Variants in CDYL2 observed in about 807,000 individuals in gnomAD.
The protein encoded by CDYL2 is chromodomain Y like 2.
Under a neutral mutation model 49.4 loss-of-function variants are expected in CDYL2, and 23 were observed. The observed-to-expected ratio is 0.47, with a 90% CI of 0.34 to 0.66. The LOEUF is 0.66. Ranked by LOEUF, CDYL2 falls within the 30% of genes least tolerant of loss-of-function variation. CDYL2 has a pLI of 0.01. For synonymous variants in CDYL2, 360 were observed against 268.8 expected (o/e 1.34, Z -3.32); for missense variants, 678 against 656.4 (o/e 1.03, Z -0.36).
chr16:80,693,261 G>T (rs1380419791), intron 1 of CDYL2, among the ~76,000 whole-genome samples: 1 of 152,158 alleles, frequency 6.6e-6, no homozygotes, highest in Admixed American at 6.5e-5. Flanking sequence ...CACTGAAAAT[G>T]TGTGTAATCA....
chr16:80,803,708 C>A (rs1018680687), intron 1 of CDYL2, among the ~76,000 whole-genome samples: 4 of 142,412 alleles, frequency 2.8e-5, no homozygotes, highest in African/African-American at 1.0e-4. Context: ...CGCGCAACCC[C>A]CGCCCCACAC....
At chr16:80,665,146 T>G (rs914641183) in intron 2 of CDYL2, among the ~76,000 whole-genome samples, 1 of 152,204 alleles carries the variant, frequency 6.6e-6, no homozygotes, top group Non-Finnish European at 1.5e-5. Context: ...AAATAGATGT[T>G]ACATATTTTC....
rs191041001 is a variant in CDYL2, at chr16:80,636,266, C to A, written c.617-3030G>T. Among the ~76,000 whole-genome samples the A allele has an allele frequency of 9.2e-5, 14 of 152,218 alleles. No homozygotes were observed. The East Asian group carries it at 9.6e-4, about 10-fold the overall frequency. On this transcript the variant is annotated intron_variant, in intron 2 of 6. Transcript: ENST00000570137. The stretch of plus-strand genomic sequence containing the variant: ...CAAAAGAAACTATCACGAGAGTGAA[C>A]AGGCAACCTACAGAATGGGAGAAAA...
At chr16:80,628,927 G>C (rs980409240) in intron 3 of CDYL2, among the ~76,000 whole-genome samples, 1 of 152,186 alleles carries the variant, frequency 6.6e-6, no homozygotes, top group African/African-American at 2.4e-5. Context: ...CAAGTGATGG[G>C]TGAACTGAGA....
chr16:80,715,508 T>G (rs1230635123), intron 1 of CDYL2, among the ~76,000 whole-genome samples: 3 of 152,222 alleles, frequency 2.0e-5, no homozygotes, highest in African/African-American at 7.2e-5. Flanking sequence ...GGTTCTCCAG[T>G]GGCACTGCCC....
chr16:80,659,639 T>C lies in CDYL2; in HGVS notation c.616+24899A>G, dbSNP rs548740902. Among the ~76,000 whole-genome samples, 15 of 148,298 alleles carry C rather than the reference T, an allele frequency of 1.0e-4. No individual in the cohort carries two copies. In the South Asian group the frequency reaches 2.1e-3, roughly 21 times the overall value. ...ATGTGTGTCTATATACATATACATA[T>C]ACAGACACACACAGAAAGAGAGAAA... On this transcript the variant is annotated intron_variant, in intron 2 of 6. Coordinates refer to ENST00000570137, the MANE Select transcript of CDYL2 (RefSeq NM_152342.4).
At chr16:80,604,755 G>T (rs1350311972) in intron 6 of CDYL2, among the ~76,000 whole-genome samples, 2 of 152,202 alleles carry the variant, frequency 1.3e-5, no homozygotes, top group African/African-American at 4.8e-5. Context: ...TGAGGCCCTG[G>T]GATGGCTCAG....
At chr16:80,608,973 G>A (rs1025511100) in intron 5 of CDYL2, among the ~76,000 whole-genome samples, 15 of 152,092 alleles carry the variant, frequency 9.9e-5, no homozygotes, top group East Asian at 1.9e-4. Context: ...CAAAAAGGTC[G>A]TGAATAACAC....
At chr16:80,651,038 G>C (rs1187206947) in intron 2 of CDYL2, among the ~76,000 whole-genome samples, 1 of 152,038 alleles carries the variant, frequency 6.6e-6, no homozygotes, top group Admixed American at 6.6e-5. Flanking sequence ...ATAAGACCTA[G>C]TATATGACAG....
intron 1 of CDYL2, among the ~76,000 whole-genome samples, chr16:80,760,414 A>G (rs1906485652): frequency 6.6e-6 from 1 of 152,236 alleles, no homozygotes; most frequent in Admixed American, 6.5e-5. Flanking sequence ...AAGACCTACT[A>G]TTTGAAAGCA....
intron 1 of CDYL2, among the ~76,000 whole-genome samples, chr16:80,758,686 G>C (rs925700108): frequency 1.3e-5 from 2 of 151,750 alleles, no homozygotes; most frequent in Non-Finnish European, 2.9e-5. Flanking sequence ...GGGACTACAG[G>C]CACCCGCCAC....
intron 1 of CDYL2, among the ~76,000 whole-genome samples, chr16:80,749,286 A>G (rs1906047343): frequency 6.6e-6 from 1 of 152,246 alleles, no homozygotes; most frequent in Non-Finnish European, 1.5e-5. Flanking sequence ...AAAATTGTTG[A>G]AAACATATAA....
intron 2 of CDYL2, among the ~76,000 whole-genome samples, chr16:80,680,485 T>A (rs1002979803): frequency 1.3e-5 from 2 of 152,120 alleles, no homozygotes; most frequent in African/African-American, 4.8e-5. Flanking sequence ...CTCGTGTGAA[T>A]CCATAGAACA....
In CDYL2 at chr16:80,602,994, CT is replaced by C. The variant is rs1567534935; in HGVS notation, c.*1393del. 1.3e-5 allele frequency: 2 copies of C among 152,262 alleles called. No individual in the cohort carries two copies. The highest frequency in any genetic ancestry group is 2.9e-5 in the Non-Finnish European group (2 of 68,082). The allele number at this position is 152,262 out of a possible 1,614,324, so 9.4% of individuals were successfully genotyped here. On this transcript the variant is annotated 3_prime_UTR_variant, in exon 7 of 7. Coordinates refer to ENST00000570137, the MANE Select transcript of CDYL2 (RefSeq NM_152342.4). Reference sequence around the variant, plus strand: ...AATCCAGGGACTTGAATCTGATGGTCTAACACAGCTGCTGGAGTCCCCTTGC... The same window carrying C: ...AATCCAGGGACTTGAATCTGATGGTCAACACAGCTGCTGGAGTCCCCTTGC...
At chr16:80,738,361 T>C (rs898480475) in intron 1 of CDYL2, among the ~76,000 whole-genome samples, 3 of 152,202 alleles carry the variant, frequency 2.0e-5, no homozygotes, top group African/African-American at 7.2e-5. Flanking sequence ...GAATGATTTA[T>C]AATTCCTTGG....
intron 1 of CDYL2, among the ~76,000 whole-genome samples, chr16:80,731,411 A>G (rs929192142): frequency 3.3e-5 from 5 of 152,202 alleles, no homozygotes; most frequent in African/African-American, 7.2e-5. Flanking sequence ...GTGAGAACAG[A>G]TAACTAAAAA....
intron 3 of CDYL2, among the ~76,000 whole-genome samples, chr16:80,625,393 G>A (rs974460003): frequency 1.3e-5 from 2 of 152,110 alleles, no homozygotes; most frequent in African/African-American, 4.8e-5. Context: ...TACATTTAAA[G>A]ACCCTTGTGA....
At chr16:80,791,466 A>C (rs1351930131) in intron 1 of CDYL2, among the ~76,000 whole-genome samples, 1 of 152,236 alleles carries the variant, frequency 6.6e-6, no homozygotes, top group Non-Finnish European at 1.5e-5. Context: ...AGATTTAGAA[A>C]ATAAGATACT....
intron 1 of CDYL2, among the ~76,000 whole-genome samples, chr16:80,691,833 A>C (rs1910427685): frequency 6.6e-6 from 1 of 152,192 alleles, no homozygotes; most frequent in African/African-American, 2.4e-5. Flanking sequence ...AGGAAGCTGA[A>C]ATGAAAAAAA....
Sources: allele counts gnomAD v4.1 joint callset (sites outside exome capture counted in the v4.1 genomes callset), GRCh38; gene constraint gnomAD v4.1.1; transcripts MANE v1.5; gene names NCBI Gene and HGNC (gene_info 2026-07-23, HGNC 2026-07-21).